The following FHIP1A variants were observed in gnomAD, a reference collection of about 807,000 sequenced individuals.
FHIP1A encodes the protein FHF complex subunit HOOK interacting protein 1A.
A neutral mutation model predicts 88.6 loss-of-function variants in FHIP1A; 61 were observed. That is an observed-to-expected ratio of 0.69 (90% confidence interval 0.56 to 0.85). The LOEUF is 0.85. Among genes scored for constraint, FHIP1A ranks in the 40% least tolerant of loss-of-function variants. FHIP1A has a pLI of 0.00. For synonymous variants in FHIP1A, 478 were observed against 496.0 expected (o/e 0.96, Z 0.48); for missense variants, 1,154 against 1,273.5 (o/e 0.91, Z 1.43).
chr4:151,654,002 C>T (rs1415837365), intron 11 of FHIP1A, among the ~76,000 whole-genome samples: 2 of 151,762 alleles, frequency 1.3e-5, no homozygotes, highest in African/African-American at 4.8e-5. Context: ...CCTGCGGCTT[C>T]CTGAATTGTG....
intron 3 of FHIP1A, among the ~76,000 whole-genome samples, chr4:151,537,318 T>TA (rs1256749443): frequency 2.6e-5 from 4 of 152,204 alleles, no homozygotes; most frequent in Non-Finnish European, 4.4e-5. Context: ...TGCTGATAGA[T>TA]ATGCAGTAAT....
chr4:151,513,445 T>C (rs1041767108), intron 3 of FHIP1A, among the ~76,000 whole-genome samples: 2 of 152,144 alleles, frequency 1.3e-5, no homozygotes, highest in African/African-American at 2.4e-5. Flanking sequence ...CAAATTCACA[T>C]ATAACTATAT....
chr4:151,577,896 C>G lies in FHIP1A; in HGVS notation c.552C>G (p.Phe184Leu). The change falls in exon 5 of 14, where the codon TTC becomes TTG. Residue 184 changes from phenylalanine to leucine, a missense_variant. Phe to Leu is a conservative substitution (Grantham distance 22, BLOSUM62 0). Coordinates refer to ENST00000435205, the MANE Select transcript of FHIP1A (RefSeq NM_001109977.3). ...ATCCATCCATTTTAGAACTCTTCTT[C>G]CACACTAGTGAAGACCAAGGCGCTG... is the stretch of plus-strand genomic sequence containing the variant. Reference protein sequence around the residue: ...AKDPSILELFFHTSEDQGAAN... With the variant: ...AKDPSILELFLHTSEDQGAAN... 1 of 1,551,838 alleles carries G rather than the reference C, an allele frequency of 6.4e-7. No individual in the cohort carries two copies.
chr4:151,469,817 G>A (rs1023871480), intron 2 of FHIP1A, among the ~76,000 whole-genome samples: 4 of 152,068 alleles, frequency 2.6e-5, no homozygotes, highest in African/African-American at 9.7e-5. Context: ...TCAAAATCCT[G>A]TTCAATCATA....
chr4:151,516,435 G>C (rs1731238755), intron 3 of FHIP1A, among the ~76,000 whole-genome samples: 1 of 152,060 alleles, frequency 6.6e-6, no homozygotes, highest in Admixed American at 6.6e-5. Flanking sequence ...GGCAGCAAAA[G>C]CCAAAATTGA....
intron 4 of FHIP1A, among the ~76,000 whole-genome samples, chr4:151,571,914 G>A (rs945736918): frequency 3.3e-5 from 5 of 152,214 alleles, no homozygotes; most frequent in African/African-American, 1.2e-4. Context: ...AGACTCTAAA[G>A]TGGTTGAGCA....
intron 7 of FHIP1A, 30 bp downstream of exon 7, chr4:151,588,956 C>G: frequency 7.3e-7 from 1 of 1,375,834 alleles, no homozygotes; most frequent in Admixed American, 2.0e-5. Context: ...AATCTTCTGT[C>G]TCTATAATAC....
intron 8 of FHIP1A, among the ~76,000 whole-genome samples, chr4:151,636,656 A>G (rs1736366828): frequency 6.6e-6 from 1 of 152,118 alleles, no homozygotes; most frequent in African/African-American, 2.4e-5. Context: ...TGCAAAAACT[A>G]TAAAACATTG....
intron 7 of FHIP1A, among the ~76,000 whole-genome samples, chr4:151,607,919 A>G (rs907092449): frequency 2.6e-5 from 4 of 151,476 alleles, no homozygotes; most frequent in African/African-American, 9.7e-5. Context: ...TTTGGTCACT[A>G]TAGTGTTTTG....
At chr4:151,534,600 A>C (rs1449437836) in intron 3 of FHIP1A, 3 of 152,218 alleles carry the variant, frequency 2.0e-5, no homozygotes, top group African/African-American at 7.2e-5. Context: ...TCTGCAATTA[A>C]AGTAAAATTG....
At chr4:151,603,547 C>T (rs1465958354) in intron 7 of FHIP1A, among the ~76,000 whole-genome samples, 1 of 152,140 alleles carries the variant, frequency 6.6e-6, no homozygotes, top group Non-Finnish European at 1.5e-5. Flanking sequence ...CCTTGCTCTG[C>T]ACAGATGGCC....
At chr4:151,618,777 C>G (rs758894326) in intron 7 of FHIP1A, among the ~76,000 whole-genome samples, 1 of 152,182 alleles carries the variant, frequency 6.6e-6, no homozygotes, top group Non-Finnish European at 1.5e-5. Flanking sequence ...CCCATGGTCA[C>G]CAGATGCTAA....
chr4:151,620,323 C>G (rs1210921522), intron 7 of FHIP1A, among the ~76,000 whole-genome samples: 1 of 152,174 alleles, frequency 6.6e-6, no homozygotes, highest in Non-Finnish European at 1.5e-5. Flanking sequence ...GCAGAAGACA[C>G]CTTCTTCTCT....
At chr4:151,635,526 T>C (rs945586187) in intron 8 of FHIP1A, among the ~76,000 whole-genome samples, 1 of 151,778 alleles carries the variant, frequency 6.6e-6, no homozygotes, top group African/African-American at 2.4e-5. Context: ...ATATATACAA[T>C]GGAATGGAAT....
In FHIP1A at chr4:151,411,351, T is replaced by TTTTTTTTTTTTTTTTG. The variant is rs1732637682; in HGVS notation, c.-356+1897_-356+1898insTTTTGTTTTTTTTTTT. Among the ~76,000 whole-genome samples, 2 of 142,878 alleles carry TTTTTTTTTTTTTTTTG rather than the reference T, an allele frequency of 1.4e-5. 1 individual carries two copies. Among genetic ancestry groups the TTTTTTTTTTTTTTTTG allele is most frequent in the Non-Finnish European group, 3.1e-5 (2 of 65,112 alleles). The allele number at this position is 142,878 out of a possible 152,430, so 93.7% of individuals were successfully genotyped here. Reference sequence around the variant, plus strand: ...CTGAGGAGTGAAATTATATATATATTTTTTTTTTTTTAAAGTTAGGGTCTC... The same window carrying TTTTTTTTTTTTTTTTG: ...CTGAGGAGTGAAATTATATATATATTTTTTTTTTTTTTTTTGTTTTTTTTTTTAAAGTTAGGGTCTC... On this transcript the variant is annotated intron_variant, in intron 1 of 13. Coordinates refer to ENST00000435205, the MANE Select transcript of FHIP1A (RefSeq NM_001109977.3).
rs1737679620 is a variant in FHIP1A at position 151,666,738 on chromosome 4, G to C, written c.*3984G>C. Among the ~76,000 whole-genome samples the C allele has an allele frequency of 6.6e-6, 1 of 152,158 alleles. No individual in the cohort carries two copies. Among genetic ancestry groups the C allele is most frequent in the Non-Finnish European group, 1.5e-5 (1 of 68,028 alleles). ...TGGATGGGCTGCTCTTCTGAATCTGGATCAGTGTGTCTAGGTTGTGTTCAG... is the reference window on the plus strand; with the variant it reads ...TGGATGGGCTGCTCTTCTGAATCTGCATCAGTGTGTCTAGGTTGTGTTCAG... On this transcript the variant is annotated 3_prime_UTR_variant, in exon 14 of 14. Transcript: ENST00000435205.
rs1448603971 is a variant in FHIP1A, at chr4:151,498,529, AT to A, written c.-123+15884del. ...CTCCCTGGGTATCCTTAAAAATGAA[AT>A]TTGGGCCAGGCACAGTGTCTCACGC... On this transcript the variant is annotated intron_variant, in intron 3 of 13. Coordinates refer to ENST00000435205, the MANE Select transcript of FHIP1A (RefSeq NM_001109977.3). Among the ~76,000 whole-genome samples, 3 of 152,178 alleles carry A rather than the reference AT, an allele frequency of 2.0e-5. No homozygotes were observed. The East Asian group carries it at 5.8e-4, about 29-fold the overall frequency.
chr4:151,637,404 A>C (rs1056442767), intron 8 of FHIP1A, among the ~76,000 whole-genome samples: 1 of 152,150 alleles, frequency 6.6e-6, no homozygotes. Context: ...AAGTTTTGCA[A>C]ATCATATATC....
rs72728186 is a variant in FHIP1A, at chr4:151,567,911, A to G, written c.105+1547A>G. On this transcript the variant is annotated intron_variant, in intron 4 of 13. Transcript: ENST00000435205. ...ATCTTACTACGTAATCTTCGCTCCC[A>G]GCCCATTTTGTTTATTCGTTTGCGC... 6.3e-3 allele frequency among the ~76,000 whole-genome samples: 966 copies of G among 152,314 alleles called. 6 individuals carry two copies. The highest frequency in any genetic ancestry group is 8.7e-3 in the Non-Finnish European group (593 of 68,026).
Sources: gnomAD v4.1 joint callset for allele counts (sites outside exome capture counted in the v4.1 genomes callset) on GRCh38, gnomAD v4.1.1 for gene constraint, MANE v1.5 for transcripts, NCBI Gene and HGNC (gene_info 2026-07-23, HGNC 2026-07-21) for gene names.